Variants in UNC13B observed in about 807,000 individuals in gnomAD.
UNC13B encodes the protein unc-13 homolog B.
In UNC13B, 144 loss-of-function variants were observed where a neutral mutation model predicts 211.0. That is an observed-to-expected ratio of 0.68 (90% CI 0.60 to 0.78). The LOEUF is 0.78. UNC13B is among the 30% of genes least tolerant of loss of function. The pLI is 0.00. For synonymous variants in UNC13B, 709 were observed against 725.8 expected (o/e 0.98, Z 0.37); for missense variants, 1,777 against 2,002.0 (o/e 0.89, Z 2.14).
intron 11 of UNC13B, 128 bp from the exon 12 acceptor site, chr9:35,366,819 C>T (rs2132158875): frequency 1.3e-6 from 1 of 751,630 alleles, no homozygotes; most frequent in East Asian, 2.6e-5. Context: ...AGATGTCAGA[C>T]AGGCTGTCAC....
chr9:35,352,773 AG>A, intron 11 of UNC13B: 1 of 1,232,190 alleles, frequency 8.1e-7, no homozygotes, highest in Non-Finnish European at 1.0e-6. Context: ...TCAGAGAAAA[AG>A]GCTTCTCTGT....
At chr9:35,171,123 A>C (rs574329473) in intron 1 of UNC13B, among the ~76,000 whole-genome samples, 2 of 141,170 alleles carry the variant, frequency 1.4e-5, no homozygotes, top group African/African-American at 5.3e-5. Context: ...TTTTTTTGAG[A>C]TGGAGTCTCA....
chr9:35,375,437 A>G (rs1386275498), intron 14 of UNC13B, among the ~76,000 whole-genome samples: 1 of 152,218 alleles, frequency 6.6e-6, no homozygotes, highest in Admixed American at 6.5e-5. Context: ...ACTGAACTCA[A>G]GGTTTTATGA....
intron 7 of UNC13B, among the ~76,000 whole-genome samples, chr9:35,279,594 C>G (rs530142325): frequency 2.6e-5 from 4 of 152,042 alleles, no homozygotes; most frequent in Non-Finnish European, 4.4e-5. Flanking sequence ...TAAGTTGCTT[C>G]CAGTATTTGC....
rs550004182 is a variant in UNC13B at position 35,183,104 on chromosome 9, G to A, written c.22+20799G>A. Among the ~76,000 whole-genome samples the A allele has an allele frequency of 5.7e-5, 6 of 105,724 alleles. No homozygotes were observed. In the East Asian group the frequency reaches 1.5e-3, roughly 26 times the overall value. 69.4% of individuals were successfully genotyped at this position (105,724 alleles called of 152,430 possible). ...ACCTCCCAGACGGGGCGGCCTGGCA[G>A]AGGTGCTCCTCACCTCCCAGACGGG... On this transcript the variant is annotated intron_variant, in intron 1 of 39. Transcript: ENST00000635942.
intron 11 of UNC13B, among the ~76,000 whole-genome samples, chr9:35,329,239 C>T (rs1170896699): frequency 1.3e-5 from 2 of 152,034 alleles, no homozygotes; most frequent in African/African-American, 4.8e-5. Context: ...CCCCAGGTAT[C>T]TTAGAATGTG....
chr9:35,251,416 G>T (rs930211502), intron 6 of UNC13B, among the ~76,000 whole-genome samples: 1 of 152,006 alleles, frequency 6.6e-6, no homozygotes, highest in African/African-American at 2.4e-5. Context: ...GTGAAAACCC[G>T]TCTCTACTAA....
At chr9:35,363,920 C>A (rs1833597988) in intron 11 of UNC13B, among the ~76,000 whole-genome samples, 1 of 152,178 alleles carries the variant, frequency 6.6e-6, no homozygotes, top group African/African-American at 2.4e-5. Flanking sequence ...AGGAAAGCAG[C>A]CAGTCGATGC....
At chr9:35,243,809 T>C (rs899652624) in intron 6 of UNC13B, among the ~76,000 whole-genome samples, 1 of 152,184 alleles carries the variant, frequency 6.6e-6, no homozygotes. Context: ...AGAGAATGCA[T>C]TCAGCTCAAC....
At chr9:35,241,616 C>T (rs371900340) in intron 5 of UNC13B, among the ~76,000 whole-genome samples, 92 of 151,220 alleles carry the variant, frequency 6.1e-4, no homozygotes, top group African/African-American at 1.7e-3. Flanking sequence ...CTTTTTAAAA[C>T]GCAAATAGTA....
intron 6 of UNC13B, among the ~76,000 whole-genome samples, chr9:35,252,254 G>A (rs1826539105): frequency 6.6e-6 from 1 of 152,142 alleles, no homozygotes; most frequent in Non-Finnish European, 1.5e-5. Flanking sequence ...TTTCCCATCA[G>A]CCTTTCATCT....
At chr9:35,388,269 A>G (rs750804839) in intron 24 of UNC13B, among the ~76,000 whole-genome samples, 1 of 152,130 alleles carries the variant, frequency 6.6e-6, no homozygotes, top group Non-Finnish European at 1.5e-5. Context: ...TTAGGCAGGC[A>G]TGATGGTGGG....
At chr9:35,366,509 A>T (rs1399057790) in intron 11 of UNC13B, among the ~76,000 whole-genome samples, 1 of 152,206 alleles carries the variant, frequency 6.6e-6, no homozygotes. Flanking sequence ...CAGAGAGACC[A>T]GGTCTGACTC....
rs767776510 is a variant in UNC13B at position 35,399,294 on chromosome 9, C to A, written c.12198+10C>A. ...ACTCACTGACCAGACGGTAAGGACACCTCCTTCCACTTCCTCCTGCTGTCT... is the reference window on the plus strand; with the variant it reads ...ACTCACTGACCAGACGGTAAGGACAACTCCTTCCACTTCCTCCTGCTGTCT... On this transcript the variant is annotated intron_variant, in intron 34 of 39. Transcript: ENST00000635942. 1.2e-6 allele frequency: 2 copies of A among 1,614,132 alleles called. No homozygotes were observed. The highest frequency in any genetic ancestry group is 1.7e-6 in the Non-Finnish European group (2 of 1,180,026).
intron 11 of UNC13B, among the ~76,000 whole-genome samples, chr9:35,324,717 CTT>C (rs1357690415): frequency 2.0e-5 from 3 of 152,182 alleles, no homozygotes; most frequent in African/African-American, 7.2e-5. Context: ...TCTTCAGTCT[CTT>C]TTCTGATTTC....
intron 13 of UNC13B, among the ~76,000 whole-genome samples, chr9:35,374,369 G>A (rs1463362289): frequency 8.4e-6 from 1 of 118,716 alleles, no homozygotes; most frequent in Non-Finnish European, 1.6e-5. Context: ...CTGTGCAAGA[G>A]TGTGGCTAGC....
chr9:35,172,175 C>T (rs1200095826), intron 1 of UNC13B, among the ~76,000 whole-genome samples: 1 of 151,420 alleles, frequency 6.6e-6, no homozygotes, highest in Non-Finnish European at 1.5e-5. Context: ...ATGCCTGGCC[C>T]CTTTGTTTTT....
Position 35,295,894 on chromosome 9 carries a change from G to A in UNC13B, c.725G>A (p.Ser242Asn). 1 of 1,613,864 alleles carries A rather than the reference G, an allele frequency of 6.2e-7. No individual in the cohort carries two copies. Among genetic ancestry groups the A allele is most frequent in the Non-Finnish European group, 8.5e-7 (1 of 1,179,902 alleles). ...SRDSCNDSMQ[S>N]YDLDYPERRA... The stretch of plus-strand genomic sequence containing the variant: ...GACTCTTGTAATGACTCTATGCAAA[G>A]TTATGACCTTGATTATCCAGAGCGG... Residue 242 changes from serine (S) to asparagine (N), a missense_variant, in exon 8 of 40, where the codon AGT becomes AAT. Transcript: ENST00000635942.
chr9:35,252,428 CT>C (rs1826553034), intron 6 of UNC13B, among the ~76,000 whole-genome samples: 1 of 152,004 alleles, frequency 6.6e-6, no homozygotes, highest in Non-Finnish European at 1.5e-5. Flanking sequence ...CCTCAGCCTC[CT>C]GAGTAGCTGA....
Sources: gnomAD v4.1 joint callset for allele counts (sites outside exome capture counted in the v4.1 genomes callset) on GRCh38, gnomAD v4.1.1 for gene constraint, MANE v1.5 for transcripts, NCBI Gene and HGNC (gene_info 2026-07-23, HGNC 2026-07-21) for gene names.